AOPEP: variants seen among roughly 807,000 people sequenced by gnomAD.
AOPEP encodes the protein aminopeptidase O (putative), also known as aminopeptidase O.
In AOPEP, 77 loss-of-function variants were observed where a neutral mutation model predicts 98.1. The ratio of observed to expected loss-of-function variants is 0.78; its 90% CI spans 0.65 to 0.95. The LOEUF is 0.95. Among genes scored for constraint, AOPEP ranks in the 40% least tolerant of loss-of-function variants. The probability of loss-of-function intolerance (pLI) is 0.00; values close to 1 mark genes in which losing one functional copy is unlikely to be tolerated. For missense variants in AOPEP, 1,024 were observed against 1,024.7 expected (o/e 1.00, Z 0.01); for synonymous variants, 346 against 365.3 (o/e 0.95, Z 0.60).
At chr9:94,921,697 C>T (rs2053639126) in intron 5 of AOPEP, among the ~76,000 whole-genome samples, 1 of 152,118 alleles carries the variant, frequency 6.6e-6, no homozygotes, top group African/African-American at 2.4e-5. Flanking sequence ...AGGGAAATAG[C>T]CCCAGAGTAT....
intron 9 of AOPEP, among the ~76,000 whole-genome samples, chr9:94,967,404 A>G (rs2059272462): frequency 6.6e-6 from 1 of 152,130 alleles, no homozygotes; most frequent in South Asian, 2.1e-4. Context: ...ATCTCTAGGG[A>G]AGGTTCAGGA....
intron 13 of AOPEP, among the ~76,000 whole-genome samples, chr9:95,058,484 G>A (rs1023062580): frequency 1.1e-4 from 16 of 152,208 alleles, no homozygotes; most frequent in African/African-American, 2.4e-4. Context: ...GGCTGGTGGT[G>A]CCGAGAATCA....
chr9:95,127,308 G>A, the AOPEP span: 2 of 152,316 alleles, frequency 1.3e-5, no homozygotes, highest in African/African-American at 4.8e-5. Context: ...GATGATGCCA[G>A]ATGAAAATGC....
chr9:94,764,148 T>A (rs980975572), intron 2 of AOPEP, among the ~76,000 whole-genome samples: 4 of 152,240 alleles, frequency 2.6e-5, no homozygotes, highest in Non-Finnish European at 5.9e-5. Flanking sequence ...TCTGGTATGA[T>A]ATGATGAAAA....
At chr9:94,996,265 A>G (rs2061222661) in intron 11 of AOPEP, among the ~76,000 whole-genome samples, 1 of 151,996 alleles carries the variant, frequency 6.6e-6, no homozygotes, top group African/African-American at 2.4e-5. Context: ...GTGAACAAAC[A>G]TTCTGGAAAA....
At chr9:95,103,156 C>T in the AOPEP span, among the ~76,000 whole-genome samples, 1 of 152,076 alleles carries the variant, frequency 6.6e-6, no homozygotes, top group Non-Finnish European at 1.5e-5. Context: ...GTCCCCCGCT[C>T]AGGGGCTGGC....
intron 13 of AOPEP, chr9:95,022,300 T>A (rs1012535429): frequency 1.3e-5 from 2 of 152,278 alleles, no homozygotes; most frequent in African/African-American, 4.8e-5. Context: ...TAGTGGGGTT[T>A]TTTTCCTCTG....
intron 11 of AOPEP, 128 bp downstream of exon 11, chr9:94,979,555 T>A: frequency 1.6e-6 from 1 of 634,316 alleles, no homozygotes; most frequent in Admixed American, 2.3e-5. Context: ...AGTGCAAGTA[T>A]CTGTAAGTCA....
intron 5 of AOPEP, among the ~76,000 whole-genome samples, chr9:94,842,159 C>T (rs1364045118): frequency 1.3e-5 from 2 of 151,956 alleles, no homozygotes; most frequent in East Asian, 1.9e-4. Context: ...GTCAGGAGTT[C>T]GAGACCAGCC....
chr9:95,072,458 T>C (rs2068607065), intron 14 of AOPEP, among the ~76,000 whole-genome samples: 1 of 152,062 alleles, frequency 6.6e-6, no homozygotes, highest in African/African-American at 2.4e-5. Context: ...AGTTTTTGTA[T>C]TTTTTATAGA....
chr9:95,055,197 A>G (rs1176426945), intron 13 of AOPEP, among the ~76,000 whole-genome samples: 1 of 152,196 alleles, frequency 6.6e-6, no homozygotes, highest in Non-Finnish European at 1.5e-5. Flanking sequence ...ATGTATTATT[A>G]AGTTGTCTAC....
intron 5 of AOPEP, among the ~76,000 whole-genome samples, chr9:94,847,164 TC>T (rs2042971784): frequency 5.7e-5 from 2 of 35,090 alleles, no homozygotes; most frequent in Admixed American, 2.4e-4. Context: ...TCTCTCTGTC[TC>T]TCTCTCTCTC....
chr9:94,904,277 G>GAA (rs2050833873), intron 5 of AOPEP: 1 of 152,188 alleles, frequency 6.6e-6, no homozygotes, highest in Non-Finnish European at 1.5e-5. Context: ...CCTGCACAGT[G>GAA]GCTGTGGTTT....
At chr9:94,955,337 A>G in intron 8 of AOPEP, 58 bp downstream of exon 8, 1 of 995,762 alleles carries the variant, frequency 1.0e-6, no homozygotes, top group East Asian at 2.4e-5. Context: ...TTTAGGCCAC[A>G]CAATTAAACA....
chr9:95,090,952 A>C (rs2070858510), downstream of AOPEP, among the ~76,000 whole-genome samples: 1 of 152,192 alleles, frequency 6.6e-6, no homozygotes, highest in Non-Finnish European at 1.5e-5. Flanking sequence ...GACAGCCCTG[A>C]CGGAAAACCT....
At chr9:95,062,259 T>C (rs1245135722) in intron 14 of AOPEP, among the ~76,000 whole-genome samples, 1 of 54,606 alleles carries the variant, frequency 1.8e-5, no homozygotes, top group Non-Finnish European at 7.1e-5. Flanking sequence ...GGCAGATCTC[T>C]AGTACAGCGC....
chr9:94,748,944 A>G (rs750936524), intron 1 of AOPEP, among the ~76,000 whole-genome samples: 5 of 152,078 alleles, frequency 3.3e-5, no homozygotes, highest in African/African-American at 7.2e-5. Flanking sequence ...TAAACATAAT[A>G]TTTTTTCTTT....
At chr9:94,807,847 C>T (rs1250543762) in intron 5 of AOPEP, among the ~76,000 whole-genome samples, 1 of 152,086 alleles carries the variant, frequency 6.6e-6, no homozygotes. Context: ...GGGAAAACAC[C>T]AACTCTGGAA....
At chr9:94,889,644 C>T (rs1225899447) in intron 5 of AOPEP, among the ~76,000 whole-genome samples, 1 of 152,122 alleles carries the variant, frequency 6.6e-6, no homozygotes, top group Admixed American at 6.5e-5. Flanking sequence ...TGAGCCACCG[C>T]ACCTGGTCAT....
Sources: allele counts gnomAD v4.1 joint callset (sites outside exome capture counted in the v4.1 genomes callset), GRCh38; gene constraint gnomAD v4.1.1; transcripts MANE v1.5; gene names NCBI Gene and HGNC (gene_info 2026-07-23, HGNC 2026-07-21).